The following ACSF2 variants were observed in gnomAD, a reference collection of about 807,000 sequenced individuals.
ACSF2 encodes medium-chain acyl-CoA ligase ACSF2, mitochondrial.
A neutral mutation model predicts 79.3 loss-of-function variants in ACSF2; 52 were observed. That is an observed-to-expected ratio of 0.66 (90% CI 0.53 to 0.83). ACSF2 has a LOEUF of 0.83. Ranked by LOEUF, ACSF2 falls within the 40% of genes least tolerant of loss-of-function variation. The pLI is 0.00. For missense variants in ACSF2, 661 were observed against 803.3 expected (o/e 0.82, Z 2.14); for synonymous variants, 283 against 312.6 (o/e 0.91, Z 1.00).
At chr17:50,472,712 A>C (rs2033178670) in intron 12 of ACSF2, 133 bp downstream of exon 12, 1 of 1,075,424 alleles carries the variant, frequency 9.3e-7, no homozygotes, top group African/African-American at 1.6e-5. Flanking sequence ...CTGGAGTCTT[A>C]ATTTCCAAAA....
chr17:50,437,999 A>C (rs1469875193), intron 1 of ACSF2, among the ~76,000 whole-genome samples: 1 of 152,182 alleles, frequency 6.6e-6, no homozygotes, highest in African/African-American at 2.4e-5. Flanking sequence ...CACCATCATA[A>C]ATTTAATATA....
intron 1 of ACSF2, among the ~76,000 whole-genome samples, chr17:50,433,786 AT>A (rs1283686049): frequency 6.6e-6 from 1 of 151,662 alleles, no homozygotes; most frequent in Non-Finnish European, 1.5e-5. Context: ...GCCTTGCTAA[AT>A]TTTTTGTATT....
At chr17:50,455,847 A>T (rs1319722103) in intron 1 of ACSF2, among the ~76,000 whole-genome samples, 1 of 152,164 alleles carries the variant, frequency 6.6e-6, no homozygotes, top group East Asian at 1.9e-4. Flanking sequence ...GAGCATCAGC[A>T]GTGTTCCTCC....
intron 1 of ACSF2, among the ~76,000 whole-genome samples, chr17:50,459,340 G>A (rs535022330): frequency 2.4e-4 from 36 of 152,264 alleles, no homozygotes; most frequent in African/African-American, 8.7e-4. Flanking sequence ...TCCCAGGCTC[G>A]AGTGATCCTC....
chr17:50,439,616 C>G (rs957573846), intron 1 of ACSF2, among the ~76,000 whole-genome samples: 7 of 152,078 alleles, frequency 4.6e-5, no homozygotes, highest in African/African-American at 1.4e-4. Context: ...GCTACTGTGA[C>G]CACCAGCAGC....
At chr17:50,454,874 C>T (rs1010380186) in intron 1 of ACSF2, among the ~76,000 whole-genome samples, 1 of 152,098 alleles carries the variant, frequency 6.6e-6, no homozygotes, top group African/African-American at 2.4e-5. Context: ...ATAAATCAGC[C>T]TGCCGATTTC....
chr17:50,461,258 C>T lies in ACSF2; in HGVS notation c.341C>T (p.Ser114Phe), dbSNP rs1200159122. ...TTACACTAGGTGGACAAAGCTGCTT[C>T]TGGCCTCCTGAGCATTGGCCTCTGC... ...QLKEEVDKAA[S>F]GLLSIGLCKG... Residue 114 changes from serine to phenylalanine, a missense_variant, in exon 3 of 16, where the codon TCT becomes TTT. Coordinates refer to ENST00000300441, the MANE Select transcript of ACSF2 (RefSeq NM_025149.6). The T allele has an allele frequency of 4.3e-6, 7 of 1,614,208 alleles. No homozygotes were observed. Among genetic ancestry groups the T allele is most frequent in the African/African-American group, 1.3e-5 (1 of 75,072 alleles).
intron 1 of ACSF2, among the ~76,000 whole-genome samples, chr17:50,455,929 G>A (rs1378561180): frequency 6.6e-6 from 1 of 152,118 alleles, no homozygotes; most frequent in Non-Finnish European, 1.5e-5. Context: ...AGCCCCTGTC[G>A]TGACAGACCC....
intron 1 of ACSF2, among the ~76,000 whole-genome samples, chr17:50,438,330 C>T (rs1186245334): frequency 2.0e-5 from 3 of 152,176 alleles, no homozygotes; most frequent in Non-Finnish European, 2.9e-5. Context: ...AGCAGTCCAT[C>T]CTATGACTGT....
rs756616605 is a variant in ACSF2 at position 50,463,780 on chromosome 17, C to T, written c.1047-38C>T. The stretch of plus-strand genomic sequence containing the variant: ...TGGGTGAGAACAGGGAGTTCCCTTC[C>T]ACTTCCAAGCCTAATTTCGAGACCT... On this transcript the variant is annotated intron_variant, in intron 8 of 15. Transcript: ENST00000300441. This position sits in a 1 kb window ranked among gnomAD's most constrained non-coding sequence, Gnocchi z 4.6. 1.3e-5 allele frequency: 21 copies of T among 1,595,280 alleles called. No individual in the cohort carries two copies. The South Asian group carries it at 2.1e-4, about 16-fold the overall frequency.
chr17:50,440,374 AC>A (rs961402268), intron 1 of ACSF2, among the ~76,000 whole-genome samples: 3 of 151,580 alleles, frequency 2.0e-5, no homozygotes, highest in Non-Finnish European at 2.9e-5. Context: ...AGGCATTTCC[AC>A]CCCCCGACAG....
At chr17:50,438,355 A>G (rs377336844) in intron 1 of ACSF2, among the ~76,000 whole-genome samples, 3 of 152,146 alleles carry the variant, frequency 2.0e-5, no homozygotes, top group East Asian at 3.8e-4. Context: ...CTAGCAGTGA[A>G]ATTGCTGTGC....
rs2032964926 is a variant in ACSF2, at chr17:50,469,099, C to T, written c.1216-1929C>T. The T allele has an allele frequency of 9.4e-6, 11 of 1,169,220 alleles. No individual in the cohort carries two copies. In the South Asian group the frequency reaches 2.6e-4, roughly 28 times the overall value. The allele number at this position is 1,169,220 out of a possible 1,614,324, so 72.4% of individuals were successfully genotyped here. ...GCCCCCGAGCCCCGAGCCCTGAGCC[C>T]CGGCTGTAGCCCCCCGCTCTCCTAT... On this transcript the variant is annotated intron_variant, in intron 10 of 15. Transcript: ENST00000300441.
Position 50,462,181 on chromosome 17 carries a change from C to T in ACSF2, c.508-3C>T, listed in dbSNP as rs2032382127. The T allele has an allele frequency of 6.2e-7, 1 of 1,613,574 alleles. No individual in the cohort carries two copies. The highest frequency in any genetic ancestry group is 1.1e-5 in the South Asian group (1 of 91,004). ...CTGGAGGTGGGGGACTCCCCTTCCA[C>T]AGGTGGGCTGCAAGGCCCTTGTGTT... On this transcript the variant is annotated splice_region_variant and splice_polypyrimidine_tract_variant and intron_variant, in intron 4 of 15. Coordinates refer to ENST00000300441, the MANE Select transcript of ACSF2 (RefSeq NM_025149.6).
chr17:50,461,957 T>TGC (rs750657384), intron 4 of ACSF2, among the ~76,000 whole-genome samples: 8 of 151,072 alleles, frequency 5.3e-5, no homozygotes, highest in Non-Finnish European at 1.0e-4. Flanking sequence ...TGTGTGCGTG[T>TGC]GTCCATCCTC....
intron 1 of ACSF2, among the ~76,000 whole-genome samples, chr17:50,436,681 A>G (rs4794144): frequency 0.31 from 45,829 of 146,138 alleles, 7,028 homozygotes; most frequent in African/African-American, 0.34. Context: ...TGATCCACCT[A>G]CCTCGGCCTC....
intron 1 of ACSF2, among the ~76,000 whole-genome samples, chr17:50,447,009 A>G (rs1278753499): frequency 6.6e-6 from 1 of 152,212 alleles, no homozygotes; most frequent in Non-Finnish European, 1.5e-5. Context: ...GATTATGCAC[A>G]TTATTTTTTA....
chr17:50,465,773 C>T (rs1421212364), intron 10 of ACSF2: 1 of 1,613,664 alleles, frequency 6.2e-7, no homozygotes, highest in Non-Finnish European at 8.5e-7. Flanking sequence ...GGTCTCCAGG[C>T]TGTCGAAGGG....
intron 1 of ACSF2, among the ~76,000 whole-genome samples, chr17:50,443,815 C>G (rs1598400937): frequency 6.6e-6 from 1 of 152,176 alleles, no homozygotes; most frequent in East Asian, 1.9e-4. Flanking sequence ...AAATTCATAG[C>G]CATTTTATTA....
Sources: gnomAD v4.1 joint callset for allele counts (sites outside exome capture counted in the v4.1 genomes callset) on GRCh38, gnomAD v4.1.1 for gene constraint, Gnocchi (gnomAD v3.1) non-coding constraint, MANE v1.5 for transcripts, NCBI Gene and HGNC (gene_info 2026-07-23, HGNC 2026-07-21) for gene names.